The following KCNG4 variants were observed in gnomAD, a reference collection of about 807,000 sequenced individuals.
The protein encoded by KCNG4 is voltage-gated potassium channel regulatory subunit KCNG4.
Under a neutral mutation model 28.2 loss-of-function variants are expected in KCNG4, and 30 were observed. The observed-to-expected ratio is 1.06, with a 90% CI of 0.80 to 1.44. The LOEUF is 1.44. Ranked by LOEUF, KCNG4 falls within the 40% of genes most tolerant of loss-of-function variation. The pLI is 0.00. For synonymous variants in KCNG4, 375 were observed against 315.5 expected (o/e 1.19, Z -2.00); for missense variants, 879 against 712.3 (o/e 1.23, Z -2.66).
Position 84,226,764 on chromosome 16 carries a change from A to C in KCNG4, c.757-3744T>G, listed in dbSNP as rs1904707474. Among the ~76,000 whole-genome samples, 1 of 127,902 alleles carries C rather than the reference A, an allele frequency of 7.8e-6. No individual in the cohort carries two copies. Among genetic ancestry groups the C allele is most frequent in the African/African-American group, 2.8e-5 (1 of 35,646 alleles). 83.9% of individuals were successfully genotyped at this position (127,902 alleles called of 152,430 possible). ...CATGGTGACACATGCCTGTAATCCC[A>C]GCTACTTGGCGGGCTGAGGCAGGAG... On this transcript the variant is annotated intron_variant, in intron 2 of 2. Transcript: ENST00000308251. This position sits in a 1 kb window ranked among gnomAD's most constrained non-coding sequence, Gnocchi z 4.1.
intron 2 of KCNG4, 69 bp downstream of exon 2, chr16:84,236,661 C>T (rs1887295492): frequency 6.9e-7 from 1 of 1,457,870 alleles, no homozygotes; most frequent in Non-Finnish European, 9.1e-7. Flanking sequence ...TTTTCTTGGG[C>T]CCCTAAAAGA....
chr16:84,223,483 G>A (rs1362943267), intron 2 of KCNG4, among the ~76,000 whole-genome samples: 1 of 152,200 alleles, frequency 6.6e-6, no homozygotes, highest in African/African-American at 2.4e-5. Flanking sequence ...TTGCACAAGA[G>A]AAAAATTTGG....
At chr16:84,235,518 GGGTTTTTTTAGGGCCAAACTTTTGTA>G (rs1253595989) in intron 2 of KCNG4, 1 of 152,114 alleles carries the variant, frequency 6.6e-6, no homozygotes, top group African/African-American at 2.4e-5. Context: ...AATATTTTGT[GGGTTTTTTTAGGGCCAAACTTTTGTA>G]GGTTGGACAA....
intron 1 of KCNG4, among the ~76,000 whole-genome samples, 191 bp from the exon 2 acceptor site, chr16:84,237,716 G>GA (rs1905009996): frequency 6.6e-6 from 1 of 152,098 alleles, no homozygotes; most frequent in Non-Finnish European, 1.5e-5. Context: ...ATACATCAGT[G>GA]AAAAAAACCC....
chr16:84,238,346 T>A (rs558080967), intron 1 of KCNG4, among the ~76,000 whole-genome samples: 2 of 152,372 alleles, frequency 1.3e-5, no homozygotes, highest in South Asian at 4.1e-4. Context: ...AATGTGACTA[T>A]GCTTAGCGAG....
chr16:84,237,048 C>T lies in KCNG4; in HGVS notation c.438G>A (p.Glu146=), dbSNP rs779722152. 18 of 1,613,974 alleles carry T rather than the reference C, an allele frequency of 1.1e-5. No homozygotes were observed. The Admixed American group carries it at 3.0e-4, about 27-fold the overall frequency. Residue 146 remains glutamate, a synonymous_variant, in exon 2 of 3, where the codon GAG becomes GAA. Coordinates refer to ENST00000308251, the MANE Select transcript of KCNG4 (RefSeq NM_172347.3). Reference sequence around the variant, plus strand: ...CCTCCTCGATGCCCCAGTAGGCCAGCTCCTCCTGGAAGGACAGCGCGCACA... The same window carrying T: ...CCTCCTCGATGCCCCAGTAGGCCAGTTCCTCCTGGAAGGACAGCGCGCACA... The part of the protein sequence containing the change: ...QEMCALSFQE[E]LAYWGIEEAH...
At chr16:84,223,259 C>T (rs377634305) in intron 2 of KCNG4, among the ~76,000 whole-genome samples, 7 of 152,248 alleles carry the variant, frequency 4.6e-5, no homozygotes, top group Middle Eastern at 3.4e-3. Flanking sequence ...TCCTCACCTC[C>T]GGACTGGAAA....
At chr16:84,227,967 A>C (rs1162277683) in intron 2 of KCNG4, among the ~76,000 whole-genome samples, 1 of 152,090 alleles carries the variant, frequency 6.6e-6, no homozygotes, top group East Asian at 1.9e-4. Flanking sequence ...GATGATACTA[A>C]AGACCACCGA....
At position 84,221,109 on chromosome 16, in the gene KCNG4, C is replaced by A. The variant is rs1359603802; in HGVS notation, c.*1108G>T. 2 of 152,320 alleles carry A rather than the reference C, an allele frequency of 1.3e-5. No individual in the cohort carries two copies. Among genetic ancestry groups the A allele is most frequent in the East Asian group, 3.9e-4 (2 of 5,190 alleles). The allele number at this position is 152,320 out of a possible 1,614,324, so 9.4% of individuals were successfully genotyped here. ...TGACTCAGACCTCCATCTGCCTCCT[C>A]CCCTGGATGCAAAGGACAGACTCTG... On this transcript the variant is annotated 3_prime_UTR_variant, in exon 3 of 3. Transcript: ENST00000308251.
chr16:84,237,023 C>T lies in KCNG4; in HGVS notation c.463G>A (p.Ala155Thr), dbSNP rs759855528. 3 of 1,613,972 alleles carry T rather than the reference C, an allele frequency of 1.9e-6. No homozygotes were observed. Among genetic ancestry groups the T allele is most frequent in the South Asian group, 2.2e-5 (2 of 91,066 alleles). The change falls in exon 2 of 3, where the codon GCC (alanine) becomes ACC (threonine). Residue 155 changes from alanine (A) to threonine (T), a missense_variant. Ala to Thr is a moderately conservative substitution (Grantham distance 58, BLOSUM62 0). Coordinates refer to ENST00000308251, the MANE Select transcript of KCNG4 (RefSeq NM_172347.3). Reference protein sequence around the residue: ...EELAYWGIEEAHLERCCLRKL... With the variant: ...EELAYWGIEETHLERCCLRKL... Reference sequence around the variant, plus strand: ...CGCAGGCAGCACCTCTCCAGGTGGGCCTCCTCGATGCCCCAGTAGGCCAGC... The same window carrying T: ...CGCAGGCAGCACCTCTCCAGGTGGGTCTCCTCGATGCCCCAGTAGGCCAGC...
At position 84,223,001 on chromosome 16, in the gene KCNG4, CACT is replaced by C; in HGVS notation, c.773_775del (p.Lys258_Cys259delinsSer). On this transcript the variant is annotated inframe_deletion, in exon 3 of 3. Transcript: ENST00000308251. The stretch of plus-strand genomic sequence containing the variant: ...GGTCTCCACGATGAAAATATAGTAG[CACT>C]TCCGAGAGCATTCGCCCTGCGGGGA... 2 of 1,532,100 alleles carry C rather than the reference CACT, an allele frequency of 1.3e-6. No individual in the cohort carries two copies. The highest frequency in any genetic ancestry group is 2.6e-5 in the South Asian group (2 of 77,870). 94.9% of individuals were successfully genotyped at this position (1,532,100 alleles called of 1,614,324 possible).
intron 2 of KCNG4, among the ~76,000 whole-genome samples, chr16:84,225,275 T>A (rs1904671546): frequency 1.3e-5 from 2 of 151,712 alleles, no homozygotes; most frequent in East Asian, 3.9e-4. Context: ...AAGTTTTGGG[T>A]TCTGATTCCC....
chr16:84,224,210 A>G (rs1178035386), intron 2 of KCNG4, among the ~76,000 whole-genome samples: 1 of 152,076 alleles, frequency 6.6e-6, no homozygotes, highest in African/African-American at 2.4e-5. Flanking sequence ...GCACTGTTCT[A>G]GTGTGTGGTT....
intron 2 of KCNG4, among the ~76,000 whole-genome samples, chr16:84,233,155 GCAC>G (rs1272145188): frequency 6.6e-6 from 1 of 152,130 alleles, no homozygotes; most frequent in African/African-American, 2.4e-5. Flanking sequence ...GCTGCTTTAT[GCAC>G]CACATGACCC....
In KCNG4 at chr16:84,225,082, C is replaced by T. The variant is rs1559442; in HGVS notation, c.757-2062G>A. Among the ~76,000 whole-genome samples the T allele has an allele frequency of 8.9e-3, 1,354 of 152,238 alleles. 48 individuals carry two copies. The highest frequency in any genetic ancestry group is 0.062 in the Admixed American group (941 of 15,284). ...CCGTGCACCTAGCAGGCACAGGATGCGCTGTAGCCATTTTAACCGAACTAT... is the reference window on the plus strand; with the variant it reads ...CCGTGCACCTAGCAGGCACAGGATGTGCTGTAGCCATTTTAACCGAACTAT... On this transcript the variant is annotated intron_variant, in intron 2 of 2. Transcript: ENST00000308251.
rs1263179594 is a variant in KCNG4, at chr16:84,226,828, G to A, written c.757-3808C>T. Among the ~76,000 whole-genome samples the A allele has an allele frequency of 2.6e-5, 4 of 151,788 alleles. No individual in the cohort carries two copies. Among genetic ancestry groups the A allele is most frequent in the Non-Finnish European group, 5.9e-5 (4 of 67,922 alleles). On this transcript the variant is annotated intron_variant, in intron 2 of 2. Coordinates refer to ENST00000308251, the MANE Select transcript of KCNG4 (RefSeq NM_172347.3). The surrounding 1 kb of genome is among the most constrained non-coding windows in gnomAD (Gnocchi z 4.1). ...TGGTAGGCGGAGGTTGCAGTGAGCCGAGATTGCACCACTGCACTGCAGCCT... is the reference window on the plus strand; with the variant it reads ...TGGTAGGCGGAGGTTGCAGTGAGCCAAGATTGCACCACTGCACTGCAGCCT...
intron 1 of KCNG4, among the ~76,000 whole-genome samples, chr16:84,238,742 C>A (rs895312561): frequency 6.6e-6 from 1 of 152,158 alleles, no homozygotes; most frequent in African/African-American, 2.4e-5. Context: ...GTGGCATGTA[C>A]CTGTAGTCCC....
At chr16:84,237,734 G>T (rs552682591) in intron 1 of KCNG4, among the ~76,000 whole-genome samples, 1 of 152,088 alleles carries the variant, frequency 6.6e-6, no homozygotes, top group African/African-American at 2.4e-5. Context: ...CCCTTCCCTG[G>T]TGGAACCTCT....
Position 84,237,035 on chromosome 16 carries a change from C to T in KCNG4, c.451G>A (p.Gly151Ser), listed in dbSNP as rs1336773404. 6 of 1,613,866 alleles carry T rather than the reference C, an allele frequency of 3.7e-6. No homozygotes were observed. The highest frequency in any genetic ancestry group is 2.2e-5 in the South Asian group (2 of 91,076). Residue 151 changes from glycine to serine, a missense_variant, in exon 2 of 3, where the codon GGC becomes AGC. Transcript: ENST00000308251. ...LSFQEELAYW[G>S]IEEAHLERCC... ...CTCTCCAGGTGGGCCTCCTCGATGC[C>T]CCAGTAGGCCAGCTCCTCCTGGAAG... is the stretch of plus-strand genomic sequence containing the variant.
Sources: gnomAD v4.1 joint callset for allele counts (sites outside exome capture counted in the v4.1 genomes callset) on GRCh38, gnomAD v4.1.1 for gene constraint, Gnocchi (gnomAD v3.1) non-coding constraint, MANE v1.5 for transcripts, NCBI Gene and HGNC (gene_info 2026-07-23, HGNC 2026-07-21) for gene names.